The following AUTS2 variants were observed in gnomAD, a reference collection of about 807,000 sequenced individuals.
AUTS2 encodes autism susceptibility gene 2 protein.
A neutral mutation model predicts 112.4 loss-of-function variants in AUTS2; 17 were observed. That is an observed-to-expected ratio of 0.15 (90% confidence interval 0.10 to 0.23). The LOEUF is 0.23. Among genes scored for constraint, AUTS2 ranks in the 10% least tolerant of loss-of-function variants. AUTS2 has a pLI of 1.00. For missense variants in AUTS2, 1,510 were observed against 1,701.6 expected (o/e 0.89, Z 1.98); for synonymous variants, 751 against 702.7 (o/e 1.07, Z -1.09).
At position 69,790,228 on chromosome 7, in the gene AUTS2, C is replaced by T. The variant is rs188433768; in HGVS notation, c.310-109058C>T. 5.3e-5 allele frequency among the ~76,000 whole-genome samples: 8 copies of T among 152,232 alleles called. No individual in the cohort carries two copies. In the East Asian group the frequency reaches 1.4e-3, roughly 26 times the overall value. On this transcript the variant is annotated intron_variant, in intron 1 of 18. Transcript: ENST00000342771. ...ATCACTTGAGCCCTGGAGGTCAATG[C>T]TGCAGTCAGCTTTGATTGTACCACT...
chr7:70,538,057 G>A (rs1258514815), intron 5 of AUTS2, among the ~76,000 whole-genome samples: 2 of 152,080 alleles, frequency 1.3e-5, no homozygotes, highest in Non-Finnish European at 2.9e-5. Flanking sequence ...GAAATATAGT[G>A]AGACCCCATT....
intron 2 of AUTS2, among the ~76,000 whole-genome samples, chr7:70,039,051 A>C (rs1415841223): frequency 6.6e-6 from 1 of 151,748 alleles, no homozygotes; most frequent in Non-Finnish European, 1.5e-5. Flanking sequence ...GAGTCACCAC[A>C]CCTGGCCAGG....
At chr7:70,715,012 G>C (rs1241722686) in intron 6 of AUTS2, among the ~76,000 whole-genome samples, 1 of 152,212 alleles carries the variant, frequency 6.6e-6, no homozygotes, top group Non-Finnish European at 1.5e-5. Context: ...ATTCATTAGA[G>C]ATGGCAGAGG....
chr7:69,661,694 G>A (rs1795805507), intron 1 of AUTS2, among the ~76,000 whole-genome samples: 1 of 152,210 alleles, frequency 6.6e-6, no homozygotes, highest in Admixed American at 6.5e-5. Flanking sequence ...CACTGAGGTA[G>A]TGTTCCACAG....
chr7:70,089,214 C>T (rs1175856371), intron 2 of AUTS2, among the ~76,000 whole-genome samples: 5 of 152,090 alleles, frequency 3.3e-5, no homozygotes, highest in Non-Finnish European at 7.4e-5. Flanking sequence ...TTTGTTCTAT[C>T]AATTATTAAC....
At chr7:70,081,001 G>A (rs1219819926) in intron 2 of AUTS2, among the ~76,000 whole-genome samples, 1 of 152,144 alleles carries the variant, frequency 6.6e-6, no homozygotes, top group African/African-American at 2.4e-5. Context: ...TGGACACAAA[G>A]CAGGCAATTT....
At chr7:70,626,553 C>T (rs1442769546) in intron 5 of AUTS2, among the ~76,000 whole-genome samples, 1 of 151,796 alleles carries the variant, frequency 6.6e-6, no homozygotes, top group African/African-American at 2.4e-5. Context: ...GCTACATGTG[C>T]AGGTTTGTTA....
intron 2 of AUTS2, among the ~76,000 whole-genome samples, chr7:70,070,843 G>A (rs1169574251): frequency 2.7e-5 from 4 of 148,480 alleles, no homozygotes; most frequent in East Asian, 2.0e-4. Context: ...ATGCCACTGC[G>A]CTCTAGCCCG....
intron 6 of AUTS2, among the ~76,000 whole-genome samples, chr7:70,746,747 G>A (rs2129554824): frequency 6.6e-6 from 1 of 152,188 alleles, no homozygotes; most frequent in East Asian, 1.9e-4. Flanking sequence ...TGAGGAGTTG[G>A]GAGGGATTCT....
At chr7:69,880,653 C>T (rs1054691250) in intron 1 of AUTS2, among the ~76,000 whole-genome samples, 29 of 152,110 alleles carry the variant, frequency 1.9e-4, no homozygotes, top group African/African-American at 6.3e-4. Flanking sequence ...TGAGCCTTTT[C>T]GAAGCGGGAA....
intron 1 of AUTS2, among the ~76,000 whole-genome samples, chr7:69,673,200 G>A (rs1419813372): frequency 6.6e-6 from 1 of 152,118 alleles, no homozygotes; most frequent in Non-Finnish European, 1.5e-5. Flanking sequence ...ATTGTATTCT[G>A]TGCTTTAGTG....
chr7:70,010,199 G>A (rs1331045528), intron 2 of AUTS2, among the ~76,000 whole-genome samples: 1 of 152,020 alleles, frequency 6.6e-6, no homozygotes, highest in Non-Finnish European at 1.5e-5. Flanking sequence ...AAACTGGAGT[G>A]CAGTAGTGTG....
chr7:70,713,550 G>A (rs571426566), intron 6 of AUTS2, among the ~76,000 whole-genome samples: 1 of 152,314 alleles, frequency 6.6e-6, no homozygotes, highest in South Asian at 2.1e-4. Context: ...TGTTAAAGTA[G>A]TGGTTCTCAA....
chr7:69,640,080 A>T (rs73167511), intron 1 of AUTS2, among the ~76,000 whole-genome samples: 133 of 152,340 alleles, frequency 8.7e-4, no homozygotes, highest in Non-Finnish European at 1.6e-3. Flanking sequence ...CAGGCCTTGA[A>T]TTATTATTTT....
intron 2 of AUTS2, among the ~76,000 whole-genome samples, chr7:70,016,934 C>T (rs1182600647): frequency 6.6e-6 from 1 of 152,162 alleles, no homozygotes; most frequent in African/African-American, 2.4e-5. Flanking sequence ...TTCCAAGGTG[C>T]TGGGATTACA....
rs545627432 is a variant in AUTS2 at position 70,663,215 on chromosome 7, T to C, written c.691-35354T>C. On this transcript the variant is annotated intron_variant, in intron 5 of 18. Coordinates refer to ENST00000342771, the MANE Select transcript of AUTS2 (RefSeq NM_015570.4). Reference sequence around the variant, plus strand: ...TTTGAGACCAGCCTGGCCAACATGATGAAACCCCGTCTCTACTAAAAATAC... The same window carrying C: ...TTTGAGACCAGCCTGGCCAACATGACGAAACCCCGTCTCTACTAAAAATAC... 1.6e-3 allele frequency among the ~76,000 whole-genome samples: 243 copies of C among 152,206 alleles called. 5 individuals are homozygous for C. In the Middle Eastern group the frequency reaches 0.02, roughly 13 times the overall value.
intron 4 of AUTS2, among the ~76,000 whole-genome samples, chr7:70,150,341 A>G (rs1254359717): frequency 6.6e-6 from 1 of 152,188 alleles, no homozygotes; most frequent in Non-Finnish European, 1.5e-5. Context: ...AGGTAAAGGT[A>G]CTTTTGAATT....
At chr7:69,826,226 T>C (rs1791237300) in intron 1 of AUTS2, among the ~76,000 whole-genome samples, 1 of 152,216 alleles carries the variant, frequency 6.6e-6, no homozygotes, top group Non-Finnish European at 1.5e-5. Context: ...AGTTAGTTAG[T>C]TATTTTATAG....
intron 5 of AUTS2, among the ~76,000 whole-genome samples, chr7:70,641,968 C>T (rs1207130697): frequency 6.6e-6 from 1 of 152,168 alleles, no homozygotes; most frequent in African/African-American, 2.4e-5. Flanking sequence ...CAACTTCTCC[C>T]ATGAAATTAG....
Sources: allele counts gnomAD v4.1 joint callset (sites outside exome capture counted in the v4.1 genomes callset), GRCh38; gene constraint gnomAD v4.1.1; transcripts MANE v1.5; gene names NCBI Gene and HGNC (gene_info 2026-07-23, HGNC 2026-07-21).